The following ACTL6A variants were observed in gnomAD, a reference collection of about 807,000 sequenced individuals.
ACTL6A encodes actin-like protein 6A.
ACTL6A carries 5 observed loss-of-function variants against 59.2 expected under a neutral mutation model. The ratio of observed to expected loss-of-function variants is 0.08; its 90% CI spans 0.04 to 0.18. ACTL6A has a LOEUF of 0.18. Ranked by LOEUF, ACTL6A falls within the 10% of genes least tolerant of loss-of-function variation. The pLI is 1.00. For synonymous variants in ACTL6A, 154 were observed against 171.8 expected, an observed-to-expected ratio of 0.90 and a Z score of 0.81; for missense variants, 285 against 526.9, an observed-to-expected ratio of 0.54 and a Z score of 4.49.
chr3:179,576,936 A>G lies in ACTL6A; in HGVS notation c.768+23A>G, dbSNP rs759176888. ...AATGTAAGTAACCCTCATTCTCTTT[A>G]CAAAAATGTTACAGGCTTTTTGCAT... On this transcript the variant is annotated intron_variant, in intron 8 of 13. Transcript: ENST00000429709. 8 of 1,585,844 alleles carry G rather than the reference A, an allele frequency of 5.0e-6. No individual in the cohort carries two copies. The Admixed American group carries it at 1.4e-4, about 28-fold the overall frequency.
intron 4 of ACTL6A, among the ~76,000 whole-genome samples, chr3:179,574,088 A>G (rs1039924702): frequency 6.6e-6 from 1 of 152,186 alleles, no homozygotes; most frequent in Non-Finnish European, 1.5e-5. Flanking sequence ...TGTTTATAAG[A>G]ATCCTGGTTT....
chr3:179,576,757 C>T, intron 7 of ACTL6A, 31 bp downstream of exon 7: 1 of 1,608,098 alleles, frequency 6.2e-7, no homozygotes, highest in Non-Finnish European at 8.5e-7. Context: ...CTTTGTAGAA[C>T]TTACTTCTAG....
At chr3:179,563,381 C>T (rs1362775012) in intron 1 of ACTL6A, among the ~76,000 whole-genome samples, 1 of 152,200 alleles carries the variant, frequency 6.6e-6, no homozygotes, top group Non-Finnish European at 1.5e-5. Flanking sequence ...GGGGTGCGCG[C>T]TCGGTTCTCT....
chr3:179,580,297 C>G (rs1161752415), intron 8 of ACTL6A, among the ~76,000 whole-genome samples: 1 of 152,148 alleles, frequency 6.6e-6, no homozygotes, highest in Non-Finnish European at 1.5e-5. Flanking sequence ...GTAATGAAAT[C>G]TTGCTTCTAA....
At chr3:179,568,667 C>G (rs1025280362) in intron 1 of ACTL6A, among the ~76,000 whole-genome samples, 1 of 151,758 alleles carries the variant, frequency 6.6e-6, no homozygotes, top group African/African-American at 2.4e-5. Flanking sequence ...CTAAAGTGTT[C>G]ATTTGAACTG....
chr3:179,575,699 T>C (rs1465973481), intron 5 of ACTL6A, among the ~76,000 whole-genome samples: 1 of 152,236 alleles, frequency 6.6e-6, no homozygotes, highest in Non-Finnish European at 1.5e-5. Flanking sequence ...ATTTACCAAC[T>C]GTGGAATTCA....
chr3:179,585,547 T>G (rs1718463283), intron 12 of ACTL6A, among the ~76,000 whole-genome samples: 1 of 152,210 alleles, frequency 6.6e-6, no homozygotes, highest in Non-Finnish European at 1.5e-5. Context: ...AAAAAAATTC[T>G]ATTTAATAGT....
At chr3:179,566,261 G>A (rs940296527) in intron 1 of ACTL6A, among the ~76,000 whole-genome samples, 6 of 152,034 alleles carry the variant, frequency 3.9e-5, no homozygotes, top group African/African-American at 1.2e-4. Flanking sequence ...ATTTGAAATT[G>A]GAATTATCAG....
Position 179,562,941 on chromosome 3 carries a change from C to A in ACTL6A, c.-152C>A. On this transcript the variant is annotated 5_prime_UTR_variant, in exon 1 of 14. Transcript: ENST00000429709. ...AGGAGCCAGCAAGTGTGGCTGAGCT[C>A]CGGGGTGTGTGGACGCCGCTTTGTT... 1 of 962,158 alleles carries A rather than the reference C, an allele frequency of 1.0e-6. No individual in the cohort carries two copies. The highest frequency in any genetic ancestry group is 1.6e-6 in the Non-Finnish European group (1 of 622,848). 59.6% of individuals were successfully genotyped at this position (962,158 alleles called of 1,614,324 possible). A position where few individuals can be genotyped will look rare whatever the true frequency, so the allele number is the denominator to read the frequency against.
rs779678440 is a variant in ACTL6A, at chr3:179,576,205, G to T, written c.477-12G>T. On this transcript the variant is annotated splice_polypyrimidine_tract_variant and intron_variant, in intron 5 of 13. Transcript: ENST00000429709. Reference sequence around the variant, plus strand: ...GCCTTGATACTTTCTTTTCCTTAATGTTTTAAACTAGATTTGCTAATGGTC... The same window carrying T: ...GCCTTGATACTTTCTTTTCCTTAATTTTTTAAACTAGATTTGCTAATGGTC... The T allele has an allele frequency of 1.2e-6, 2 of 1,606,874 alleles. No individual in the cohort carries two copies. Among genetic ancestry groups the T allele is most frequent in the South Asian group, 2.2e-5 (2 of 90,936 alleles).
chr3:179,581,434 A>G (rs551994478), intron 11 of ACTL6A, among the ~76,000 whole-genome samples: 4 of 152,242 alleles, frequency 2.6e-5, no homozygotes, highest in Non-Finnish European at 4.4e-5. Flanking sequence ...TACCCGCCAC[A>G]TGTGGCAATT....
intron 8 of ACTL6A, among the ~76,000 whole-genome samples, chr3:179,579,232 T>G (rs1424383241): frequency 6.6e-6 from 1 of 152,124 alleles, no homozygotes; most frequent in Non-Finnish European, 1.5e-5. Flanking sequence ...TAATGAGGCT[T>G]TTTGTTGTTG....
intron 4 of ACTL6A, 164 bp from the exon 5 acceptor site, chr3:179,574,206 G>C (rs910259304): frequency 3.6e-5 from 15 of 420,610 alleles, no homozygotes; most frequent in African/African-American, 3.0e-4. Context: ...ATATTATAGA[G>C]GTTTTTTTAT....
chr3:179,571,470 C>T (rs145235636), intron 3 of ACTL6A, among the ~76,000 whole-genome samples: 4 of 151,218 alleles, frequency 2.6e-5, no homozygotes, highest in African/African-American at 9.7e-5. Context: ...TAGCCAAAAT[C>T]ACTCTCAGGT....
At chr3:179,572,693 T>C (rs1718046764) in intron 3 of ACTL6A, among the ~76,000 whole-genome samples, 1 of 152,076 alleles carries the variant, frequency 6.6e-6, no homozygotes, top group South Asian at 2.1e-4. Context: ...TAATCCCAGC[T>C]ACTCGGGAGC....
intron 12 of ACTL6A, among the ~76,000 whole-genome samples, chr3:179,586,060 A>G (rs920691439): frequency 6.6e-6 from 1 of 152,234 alleles, no homozygotes; most frequent in African/African-American, 2.4e-5. Flanking sequence ...ATGAAATGAA[A>G]TAATAAAGAC....
intron 8 of ACTL6A, 71 bp from the exon 9 acceptor site, chr3:179,580,569 A>G (rs1718305966): frequency 1.8e-6 from 2 of 1,091,358 alleles, no homozygotes; most frequent in South Asian, 2.9e-5. Context: ...AGTATTTAAA[A>G]TATGTTATAA....
intron 12 of ACTL6A, among the ~76,000 whole-genome samples, chr3:179,584,641 C>T (rs1001271365): frequency 3.3e-5 from 5 of 151,314 alleles, no homozygotes; most frequent in African/African-American, 1.2e-4. Flanking sequence ...AAAAATTAGC[C>T]GGACACGGTG....
Position 179,570,039 on chromosome 3 carries a change from T to G in ACTL6A, c.103-28T>G, listed in dbSNP as rs765761905. ...ATGCCTTCTTGATGAAAGGTGAAAC[T>G]TGTATGTCATGTTTCTGACTCTTAC... is the stretch of plus-strand genomic sequence containing the variant. On this transcript the variant is annotated intron_variant, in intron 2 of 13. Coordinates refer to ENST00000429709, the MANE Select transcript of ACTL6A (RefSeq NM_004301.5). The surrounding 1 kb of genome is among the most constrained non-coding windows in gnomAD (Gnocchi z 4.3). 2 of 1,604,190 alleles carry G rather than the reference T, an allele frequency of 1.2e-6. No individual in the cohort carries two copies. The highest frequency in any genetic ancestry group is 2.2e-5 in the South Asian group (2 of 89,662).
Sources: gnomAD v4.1 joint callset for allele counts (sites outside exome capture counted in the v4.1 genomes callset) on GRCh38, gnomAD v4.1.1 for gene constraint, Gnocchi (gnomAD v3.1) non-coding constraint, MANE v1.5 for transcripts, NCBI Gene and HGNC (gene_info 2026-07-23, HGNC 2026-07-21) for gene names.